Variants in LRBA observed in about 807,000 individuals in gnomAD.
LRBA encodes LPS responsive beige-like anchor protein.
LRBA carries 176 observed loss-of-function variants against 330.0 expected under a neutral mutation model. The observed-to-expected ratio is 0.53, with a 90% CI of 0.47 to 0.60. The LOEUF is 0.60. LRBA is among the 20% of genes least tolerant of loss of function. The probability of loss-of-function intolerance (pLI) is 0.00; values close to 1 mark genes in which losing one functional copy is unlikely to be tolerated. For missense variants in LRBA, 3,259 were observed against 3,444.8 expected (o/e 0.95, Z 1.35); for synonymous variants, 1,230 against 1,193.0 (o/e 1.03, Z -0.64).
intron 34 of LRBA, among the ~76,000 whole-genome samples, chr4:150,762,297 G>C (rs1349068452): frequency 6.6e-6 from 1 of 151,884 alleles, no homozygotes; most frequent in Non-Finnish European, 1.5e-5. Flanking sequence ...ACTAGCAACT[G>C]AAAATGAAAT....
chr4:150,590,924 G>T (rs1581760702), intron 38 of LRBA, 65 bp from the exon 39 acceptor site: 1 of 1,529,614 alleles, frequency 6.5e-7, no homozygotes, highest in Non-Finnish European at 8.9e-7. Context: ...AGAGGGGTAG[G>T]GGCTTAGGTA....
At chr4:150,928,471 G>A (rs1428151765) in intron 4 of LRBA, 45 bp downstream of exon 4, 3 of 1,161,270 alleles carry the variant, frequency 2.6e-6, no homozygotes, top group Admixed American at 3.7e-5. Flanking sequence ...ATGTGTTTGG[G>A]AGGAGCATAC....
chr4:150,979,519 T>C (rs1438322304), intron 2 of LRBA, among the ~76,000 whole-genome samples: 3 of 152,134 alleles, frequency 2.0e-5, no homozygotes, highest in Admixed American at 2.0e-4. Context: ...CTTGGGCATA[T>C]AAATTACTCT....
At chr4:150,794,031 T>TA (rs1299896172) in intron 34 of LRBA, among the ~76,000 whole-genome samples, 5 of 152,206 alleles carry the variant, frequency 3.3e-5, no homozygotes, top group Non-Finnish European at 7.3e-5. Flanking sequence ...CAATTATAGA[T>TA]ATGATCCTCG....
chr4:150,792,152 T>C, intron 34 of LRBA, among the ~76,000 whole-genome samples: 1 of 151,806 alleles, frequency 6.6e-6, no homozygotes, highest in Admixed American at 6.6e-5. Context: ...CCTCAATTAT[T>C]TCTTTGAAAT....
At chr4:150,427,181 G>A (rs1749752027) in intron 46 of LRBA, among the ~76,000 whole-genome samples, 1 of 149,702 alleles carries the variant, frequency 6.7e-6, no homozygotes. Context: ...CAAAAAATAT[G>A]ATAAGATCAC....
At chr4:150,536,758 A>G (rs1764696811) in intron 40 of LRBA, among the ~76,000 whole-genome samples, 1 of 152,200 alleles carries the variant, frequency 6.6e-6, no homozygotes, top group Admixed American at 6.5e-5. Context: ...TAATAGACAC[A>G]CACACACATA....
intron 40 of LRBA, among the ~76,000 whole-genome samples, chr4:150,571,808 T>C (rs1262598737): frequency 6.6e-6 from 1 of 151,696 alleles, no homozygotes; most frequent in Non-Finnish European, 1.5e-5. Flanking sequence ...ATCATAGCAA[T>C]AAGTTATTTA....
chr4:150,850,815 G>A lies in LRBA; in HGVS notation c.3913C>T (p.Arg1305Cys), dbSNP rs868134041. The change falls in exon 24 of 57, where the codon CGT becomes TGT. Residue 1305 changes from arginine to cysteine, a missense_variant. Coordinates refer to ENST00000651943, the MANE Select transcript of LRBA (RefSeq NM_001364905.1). ...QRRDSRSTVF[R>C]IPEFNWSQMH... is the part of the protein sequence containing the mutation. The stretch of plus-strand genomic sequence containing the variant: ...TGAGACCAGTTGAACTCAGGAATAC[G>A]AAACACAGTAGATCTGGAATCCCTC... The A allele has an allele frequency of 1.2e-6, 2 of 1,613,642 alleles. No homozygotes were observed. Among genetic ancestry groups the A allele is most frequent in the African/African-American group, 1.3e-5 (1 of 75,014 alleles).
At chr4:150,742,300 C>G (rs1237186654) in intron 35 of LRBA, among the ~76,000 whole-genome samples, 1 of 151,740 alleles carries the variant, frequency 6.6e-6, no homozygotes, top group Non-Finnish European at 1.5e-5. Context: ...CATGTGCCAT[C>G]GTACCCTGTA....
In LRBA at chr4:150,844,144, C is replaced by T. The variant is rs770932395; in HGVS notation, c.4525G>A (p.Asp1509Asn). 2.5e-6 allele frequency: 4 copies of T among 1,611,784 alleles called. No homozygotes were observed. Among genetic ancestry groups the T allele is most frequent in the Non-Finnish European group, 3.4e-6 (4 of 1,178,620 alleles). ...GCCCTAAGCCGATTAATATCCATGT[C>T]CTGTAGAAGCCTGTCAAGATCTCTT... ...PVRDLDRLLQ[D>N]MDINRLRAVV... The change falls in exon 28 of 57, where the codon GAC (aspartate) becomes AAC (asparagine). Residue 1509 changes from aspartate (D) to asparagine (N), a missense_variant. By Grantham distance (23) the Asp-to-Asn change is conservative (BLOSUM62 1). Transcript: ENST00000651943.
chr4:150,593,024 T>A (rs1350299064), intron 38 of LRBA, among the ~76,000 whole-genome samples: 1 of 152,180 alleles, frequency 6.6e-6, no homozygotes. Flanking sequence ...TCACTTATAT[T>A]TCAAGTATTT....
At position 150,928,973 on chromosome 4, in the gene LRBA, G is replaced by A. The variant is rs749200723; in HGVS notation, c.309C>T (p.Asp103=). 47 of 1,613,286 alleles carry A rather than the reference G, an allele frequency of 2.9e-5. No homozygotes were observed. Among genetic ancestry groups the A allele is most frequent in the South Asian group, 2.9e-4 (26 of 91,064 alleles). Residue 103 remains aspartate (D), a synonymous_variant, in exon 3 of 57, where the codon GAC becomes GAT. Coordinates refer to ENST00000651943, the MANE Select transcript of LRBA (RefSeq NM_001364905.1). ...NCMVDLLEKC[D]ITCQAEVWSM... ...TCCAGACTTCTGCTTGGCACGTAAT[G>A]TCACATTTTTCCAGTAGGTCCACCA...
intron 37 of LRBA, among the ~76,000 whole-genome samples, chr4:150,664,744 G>A (rs569484585): frequency 3.9e-5 from 6 of 152,216 alleles, no homozygotes; most frequent in Non-Finnish European, 7.4e-5. Context: ...GGCCAAAACC[G>A]ATGATCATTC....
At position 150,852,674 on chromosome 4, in the gene LRBA, A is replaced by C; in HGVS notation, c.3036T>G (p.Thr1012=). The change falls in exon 23 of 57, where the codon ACT becomes ACG. Residue 1012 remains threonine, a synonymous_variant. Transcript: ENST00000651943. ...ESASNIELQT[T]NTSYEEMKAE... ...CTTTCATTTCTTCATAAGATGTATT[A>C]GTAGTTTGCAGTTCAATATTAGATG... 1 of 1,614,086 alleles carries C rather than the reference A, an allele frequency of 6.2e-7. No homozygotes were observed. The highest frequency in any genetic ancestry group is 1.1e-5 in the South Asian group (1 of 91,082).
intron 13 of LRBA, among the ~76,000 whole-genome samples, chr4:150,904,153 G>C (rs1338747065): frequency 6.6e-6 from 1 of 152,100 alleles, no homozygotes; most frequent in Non-Finnish European, 1.5e-5. Context: ...TTTAACCAGA[G>C]GTGGATTGAC....
chr4:150,529,268 T>G (rs1763807114), intron 40 of LRBA, among the ~76,000 whole-genome samples: 1 of 152,214 alleles, frequency 6.6e-6, no homozygotes, highest in South Asian at 2.1e-4. Flanking sequence ...ACTCTTTACC[T>G]TTACGGTGAG....
intron 17 of LRBA, among the ~76,000 whole-genome samples, chr4:150,889,406 G>A (rs562005499): frequency 2.6e-5 from 4 of 152,184 alleles, no homozygotes; most frequent in African/African-American, 9.6e-5. Flanking sequence ...ACTTTAGGAG[G>A]CCAAGGCGGG....
intron 48 of LRBA, among the ~76,000 whole-genome samples, chr4:150,334,555 C>G (rs1373583532): frequency 6.6e-6 from 1 of 151,990 alleles, no homozygotes; most frequent in Non-Finnish European, 1.5e-5. Context: ...TACATACATA[C>G]ATATGCATGA....
Sources: gnomAD v4.1 joint callset for allele counts (sites outside exome capture counted in the v4.1 genomes callset) on GRCh38, gnomAD v4.1.1 for gene constraint, MANE v1.5 for transcripts, NCBI Gene and HGNC (gene_info 2026-07-23, HGNC 2026-07-21) for gene names.